The following STK38 variants were observed in gnomAD, a reference collection of about 807,000 sequenced individuals.
STK38 encodes the protein serine/threonine kinase 38.
A neutral mutation model predicts 59.0 loss-of-function variants in STK38; 26 were observed. The observed-to-expected ratio is 0.44, with a 90% CI of 0.32 to 0.61. STK38 has a LOEUF of 0.61. Among genes scored for constraint, STK38 ranks in the 20% least tolerant of loss-of-function variants. The pLI, the probability that STK38 is intolerant of heterozygous loss-of-function variation, is 0.04. For missense variants in STK38, 433 were observed against 566.0 expected, an observed-to-expected ratio of 0.76 and a Z score of 2.38; for synonymous variants, 175 against 176.6, an observed-to-expected ratio of 0.99 and a Z score of 0.07.
chr6:36,518,537 ATAT>A (rs1290991979), intron 5 of STK38, among the ~76,000 whole-genome samples: 1 of 152,226 alleles, frequency 6.6e-6, no homozygotes, highest in Non-Finnish European at 1.5e-5. Flanking sequence ...ACATCACTGC[ATAT>A]TATCAAATCC....
At chr6:36,517,993 C>A (rs373098749) in intron 5 of STK38, among the ~76,000 whole-genome samples, 153 bp from the exon 6 acceptor site, 2 of 152,186 alleles carry the variant, frequency 1.3e-5, no homozygotes, top group African/African-American at 2.4e-5. Flanking sequence ...GGCAAACCTA[C>A]TAACTCAAAA....
intron 7 of STK38, among the ~76,000 whole-genome samples, chr6:36,508,097 C>A (rs776485822): frequency 1.2e-4 from 18 of 152,080 alleles, no homozygotes; most frequent in Non-Finnish European, 2.5e-4. Flanking sequence ...CCACGTCCGA[C>A]TAATTTTTTT....
chr6:36,543,640 G>A (rs550840400), intron 1 of STK38, among the ~76,000 whole-genome samples: 15 of 151,912 alleles, frequency 9.9e-5, no homozygotes, highest in Middle Eastern at 3.4e-3. Context: ...GAGAGTCAAA[G>A]GGCCATTTTT....
intron 6 of STK38, 140 bp downstream of exon 6, chr6:36,517,577 T>C: frequency 1.9e-6 from 2 of 1,076,046 alleles, no homozygotes; most frequent in Admixed American, 2.8e-5. Flanking sequence ...GGTTACTGAC[T>C]TCCTTTATAG....
Position 36,497,954 on chromosome 6 carries a change from T to TC in STK38, c.1077-80_1077-79insG. 1.2e-5 allele frequency: 12 copies of TC among 1,030,444 alleles called. No individual in the cohort carries two copies. The South Asian group carries it at 1.7e-4, about 15-fold the overall frequency. 63.8% of individuals were successfully genotyped at this position (1,030,444 alleles called of 1,614,324 possible). A position where few individuals can be genotyped will look rare whatever the true frequency, so the allele number is the denominator to read the frequency against. On this transcript the variant is annotated intron_variant, in intron 11 of 13. Coordinates refer to ENST00000229812, the MANE Select transcript of STK38 (RefSeq NM_007271.4). The stretch of plus-strand genomic sequence containing the variant: ...AAAAACTTTCTTTTTTTTTTTTTTT[T>TC]TTTGAGACAGCATCTCACTCTGTCA...
In STK38 at chr6:36,517,818, C is replaced by T. The variant is rs753024638; in HGVS notation, c.413G>A (p.Arg138His). The change falls in exon 6 of 14, where the codon CGT (arginine) becomes CAT (histidine). Residue 138 changes from arginine to histidine, a missense_variant. Arg to His is a conservative substitution (Grantham distance 29). Transcript: ENST00000229812. ...ACTGTCTGCCTCCACTAGAATGTCACGCTCCGCACGAATGTGGCCAACCTG... is the reference window on the plus strand; with the variant it reads ...ACTGTCTGCCTCCACTAGAATGTCATGCTCCGCACGAATGTGGCCAACCTG... Reference protein sequence around the residue: ...KEQVGHIRAERDILVEADSLW... With the variant: ...KEQVGHIRAEHDILVEADSLW... 10 of 1,613,932 alleles carry T rather than the reference C, an allele frequency of 6.2e-6. No homozygotes were observed. Among genetic ancestry groups the T allele is most frequent in the African/African-American group, 2.7e-5 (2 of 74,934 alleles).
chr6:36,529,181 T>C (rs1374959580), intron 2 of STK38, among the ~76,000 whole-genome samples: 1 of 152,140 alleles, frequency 6.6e-6, no homozygotes, highest in Non-Finnish European at 1.5e-5. Context: ...GGCATTTGCA[T>C]TATGCAAGAA....
chr6:36,530,005 C>T (rs1359968138), intron 2 of STK38, among the ~76,000 whole-genome samples: 1 of 152,170 alleles, frequency 6.6e-6, no homozygotes. Context: ...CTTTGGGAGG[C>T]TGAGGCTCGC....
chr6:36,543,388 T>C (rs889434990), intron 1 of STK38, among the ~76,000 whole-genome samples: 6 of 152,058 alleles, frequency 3.9e-5, no homozygotes, highest in African/African-American at 1.2e-4. Context: ...ATTTTATTCT[T>C]ACCATTCCTA....
At chr6:36,541,138 A>G (rs895636664) in intron 1 of STK38, among the ~76,000 whole-genome samples, 1 of 151,826 alleles carries the variant, frequency 6.6e-6, no homozygotes, top group Non-Finnish European at 1.5e-5. Flanking sequence ...TGACCTCATG[A>G]TCCGCCCATC....
chr6:36,520,529 C>G (rs1777353185), intron 5 of STK38, among the ~76,000 whole-genome samples: 1 of 152,184 alleles, frequency 6.6e-6, no homozygotes, highest in South Asian at 2.1e-4. Context: ...AAAACTTACT[C>G]ATGAGATGCA....
intron 1 of STK38, among the ~76,000 whole-genome samples, chr6:36,543,063 C>T (rs375443374): frequency 2.0e-5 from 3 of 152,050 alleles, no homozygotes; most frequent in East Asian, 1.9e-4. Flanking sequence ...TTGGCAATAG[C>T]GCTCAATTTT....
At chr6:36,505,288 T>C (rs1320438806) in intron 9 of STK38, among the ~76,000 whole-genome samples, 1 of 152,116 alleles carries the variant, frequency 6.6e-6, no homozygotes, top group Non-Finnish European at 1.5e-5. Flanking sequence ...TCCCTAATCC[T>C]CAACAAGATA....
chr6:36,494,680 G>A lies in STK38; in HGVS notation c.*1104C>T, dbSNP rs145235541. On this transcript the variant is annotated 3_prime_UTR_variant, in exon 14 of 14. Coordinates refer to ENST00000229812, the MANE Select transcript of STK38 (RefSeq NM_007271.4). ...GTAATCATGATTCCAAGGCAAAATG[G>A]CTAAAGTTGGGAGAGAAGAAATACC... The A allele has an allele frequency of 8.9e-3, 1,365 of 152,740 alleles. 18 individuals carry two copies. Among genetic ancestry groups the A allele is most frequent in the Non-Finnish European group, 0.011 (736 of 68,072 alleles). 9.5% of individuals were successfully genotyped at this position (152,740 alleles called of 1,614,324 possible).
At chr6:36,510,298 T>C (rs957856382) in intron 7 of STK38, among the ~76,000 whole-genome samples, 1 of 152,228 alleles carries the variant, frequency 6.6e-6, no homozygotes, top group Non-Finnish European at 1.5e-5. Flanking sequence ...TGCAGGGGGC[T>C]AGTGTGTCAG....
chr6:36,529,299 G>T (rs933966109), intron 2 of STK38, among the ~76,000 whole-genome samples: 9 of 152,312 alleles, frequency 5.9e-5, no homozygotes, highest in Non-Finnish European at 1.2e-4. Flanking sequence ...AAATGGGATA[G>T]ATGAAGAAAA....
chr6:36,497,661 C>T, intron 12 of STK38, 119 bp downstream of exon 12: 1 of 780,442 alleles, frequency 1.3e-6, no homozygotes, highest in South Asian at 1.6e-5. Context: ...GGAAAAGACC[C>T]TAAATCTCTA....
In STK38 at chr6:36,507,370, G is replaced by A. The variant is rs1327553796; in HGVS notation, c.772+130C>T. 7 of 771,012 alleles carry A rather than the reference G, an allele frequency of 9.1e-6. No individual in the cohort carries two copies. In the East Asian group the frequency reaches 1.3e-4, roughly 14 times the overall value. 47.8% of individuals were successfully genotyped at this position (771,012 alleles called of 1,614,324 possible). On this transcript the variant is annotated intron_variant, in intron 8 of 13. Transcript: ENST00000229812. ...GACAACACAAATCACAGGCAAACCT[G>A]GGAAGGTATTTTTATTCTCTACATA...
intron 2 of STK38, among the ~76,000 whole-genome samples, chr6:36,537,398 A>G (rs1777818879): frequency 6.6e-6 from 1 of 152,224 alleles, no homozygotes; most frequent in South Asian, 2.1e-4. Flanking sequence ...ATCTCTCTAG[A>G]TGTTTATCTG....
Sources: allele counts gnomAD v4.1 joint callset (sites outside exome capture counted in the v4.1 genomes callset), GRCh38; gene constraint gnomAD v4.1.1; transcripts MANE v1.5; gene names NCBI Gene and HGNC (gene_info 2026-07-23, HGNC 2026-07-21).